The following CTCF variants were observed in gnomAD, a reference collection of about 807,000 sequenced individuals.
The protein encoded by CTCF is CCCTC-binding factor, also known as transcriptional repressor CTCF.
In CTCF, 7 loss-of-function variants were observed where a neutral mutation model predicts 72.3. The ratio of observed to expected loss-of-function variants is 0.10; its 90% CI spans 0.06 to 0.18. The LOEUF (loss-of-function observed/expected upper bound fraction) is 0.18. Among genes scored for constraint, CTCF ranks in the 10% least tolerant of loss-of-function variants. The pLI, the probability that CTCF is intolerant of heterozygous loss-of-function variation, is 1.00. For missense variants in CTCF, 516 were observed against 949.1 expected (o/e 0.54, Z 6.00); for synonymous variants, 374 against 315.8 (o/e 1.18, Z -1.95).
At position 67,563,046 on chromosome 16, in the gene CTCF, C is replaced by T. The variant is rs372366801; in HGVS notation, c.-127+322C>T. On this transcript the variant is annotated intron_variant, in intron 1 of 11. Coordinates refer to ENST00000264010, the MANE Select transcript of CTCF (RefSeq NM_006565.4). ...TTCCTTCCTTTGTCTGCCCTCGAGG[C>T]CGGTTCTTGGCCGGCCGATCGCCCG... 1.0e-3 allele frequency among the ~76,000 whole-genome samples: 158 copies of T among 151,668 alleles called. 1 individual carries two copies. In the East Asian group the frequency reaches 0.024, roughly 23 times the overall value.
intron 10 of CTCF, among the ~76,000 whole-genome samples, chr16:67,636,353 CAG>C (rs1198513133): frequency 2.1e-5 from 3 of 143,080 alleles, no homozygotes; most frequent in Admixed American, 7.0e-5. Context: ...GCCTGGGCGA[CAG>C]AGTGAGACTC....
chr16:67,613,143 C>G (rs1459303206), intron 4 of CTCF, among the ~76,000 whole-genome samples: 2 of 152,220 alleles, frequency 1.3e-5, no homozygotes, highest in Non-Finnish European at 2.9e-5. Context: ...TAGAGGGACT[C>G]TGTGCACTAA....
At chr16:67,608,140 T>C (rs564256737) in intron 2 of CTCF, among the ~76,000 whole-genome samples, 6 of 151,434 alleles carry the variant, frequency 4.0e-5, no homozygotes, top group Non-Finnish European at 8.8e-5. Context: ...CTGGCTAACA[T>C]GGTGAAACCC....
rs1567609067 is a variant in CTCF, at chr16:67,612,017, G to A, written c.848G>A (p.Arg283His). 1 of 1,614,106 alleles carries A rather than the reference G, an allele frequency of 6.2e-7. No homozygotes were observed. The highest frequency in any genetic ancestry group is 8.5e-7 in the Non-Finnish European group (1 of 1,179,998). Residue 283 changes from arginine (R) to histidine (H), a missense_variant, in exon 4 of 12, where the codon CGT becomes CAT. By Grantham distance (29) the Arg-to-His change is conservative (BLOSUM62 0). Around this residue, in one of 7 missense-constraint regions of CTCF, gnomAD observed 70 missense variants for 290.1 expected, o/e 0.24. Coordinates refer to ENST00000264010, the MANE Select transcript of CTCF (RefSeq NM_006565.4). The part of the protein sequence containing the change: ...YTCPRRSNLD[R>H]HMKSHTDERP... ...TGTCCACGGCGTTCAAATTTGGATCGTCACATGAAAAGCCACACTGATGAG... is the reference window on the plus strand; with the variant it reads ...TGTCCACGGCGTTCAAATTTGGATCATCACATGAAAAGCCACACTGATGAG...
chr16:67,626,604 C>T lies in CTCF; in HGVS notation c.1407C>T (p.Cys469=), dbSNP rs2142862488. The change falls in exon 8 of 12, where the codon TGC becomes TGT. Residue 469 remains cysteine, a synonymous_variant. Transcript: ENST00000264010. Reference sequence around the variant, plus strand: ...CCTATATTGAGCAAGGCAAGAAATGCCGTTACTGTGATGCTGTGTTTCATG... The same window carrying T: ...CCTATATTGAGCAAGGCAAGAAATGTCGTTACTGTGATGCTGTGTTTCATG... ...QHSYIEQGKK[C]RYCDAVFHER... The T allele has an allele frequency of 2.6e-6, 4 of 1,566,058 alleles. No individual in the cohort carries two copies. Among genetic ancestry groups the T allele is most frequent in the Non-Finnish European group, 3.5e-6 (4 of 1,154,976 alleles).
chr16:67,580,836 G>C (rs1228332377), intron 2 of CTCF, among the ~76,000 whole-genome samples: 1 of 147,128 alleles, frequency 6.8e-6, no homozygotes, highest in Non-Finnish European at 1.5e-5. Flanking sequence ...GGCTGGTCTA[G>C]AACTCCTGAC....
In CTCF at chr16:67,589,824, C is replaced by T. The variant is rs116388579; in HGVS notation, c.-10+18560C>T. Among the ~76,000 whole-genome samples, 327 of 152,284 alleles carry T rather than the reference C, an allele frequency of 2.1e-3. 3 individuals carry two copies. Among genetic ancestry groups the T allele is most frequent in the African/African-American group, 7.4e-3 (309 of 41,564 alleles). ...AAAAGAGCCTGGACGCGGTGGCTCA[C>T]ACCTGTAATACCGGCATTTGGGGAG... On this transcript the variant is annotated intron_variant, in intron 2 of 11. Coordinates refer to ENST00000264010, the MANE Select transcript of CTCF (RefSeq NM_006565.4).
chr16:67,611,719 G>C, intron 3 of CTCF, 106 bp downstream of exon 3: 2 of 1,145,508 alleles, frequency 1.7e-6, no homozygotes, highest in South Asian at 3.1e-5. Flanking sequence ...GTAAAAGGTC[G>C]TTATGTGGGT....
At chr16:67,604,965 T>A (rs1001603083) in intron 2 of CTCF, among the ~76,000 whole-genome samples, 30 of 67,722 alleles carry the variant, frequency 4.4e-4, no homozygotes, top group Admixed American at 2.1e-3. Context: ...ATAAATGGGA[T>A]TTTTTTTTTT....
At chr16:67,575,729 C>T (rs1056950283) in intron 2 of CTCF, among the ~76,000 whole-genome samples, 3 of 152,066 alleles carry the variant, frequency 2.0e-5, no homozygotes, top group Non-Finnish European at 4.4e-5. Context: ...AAGCGTGAGC[C>T]ACCGCGCCCA....
chr16:67,592,479 G>A (rs890973523), intron 2 of CTCF, among the ~76,000 whole-genome samples: 3 of 152,026 alleles, frequency 2.0e-5, no homozygotes, highest in African/African-American at 7.3e-5. Flanking sequence ...GCTGAGGTGG[G>A]AGGATCACCA....
intron 2 of CTCF, among the ~76,000 whole-genome samples, chr16:67,607,217 A>C (rs964503962): frequency 2.6e-5 from 4 of 152,054 alleles, no homozygotes; most frequent in African/African-American, 9.7e-5. Flanking sequence ...TCGGCCTCCC[A>C]AAATGCTGGG....
chr16:67,570,337 C>T (rs1012809843), intron 1 of CTCF, among the ~76,000 whole-genome samples: 2 of 152,122 alleles, frequency 1.3e-5, no homozygotes, highest in Admixed American at 1.3e-4. Context: ...GCCTCGGCCT[C>T]CCAAAGTGCT....
At chr16:67,618,780 A>G (rs1202612265) in intron 5 of CTCF, among the ~76,000 whole-genome samples, 1 of 152,256 alleles carries the variant, frequency 6.6e-6, no homozygotes, top group African/African-American at 2.4e-5. Flanking sequence ...ACTGAGGGAT[A>G]AACTGAACAA....
intron 2 of CTCF, among the ~76,000 whole-genome samples, chr16:67,574,967 ATTCTT>A (rs1384508263): frequency 6.6e-6 from 1 of 152,058 alleles, no homozygotes; most frequent in Non-Finnish European, 1.5e-5. Context: ...AAAAGCATCT[ATTCTT>A]AACTGTGTGT....
At chr16:67,563,027 CCTTT>C (rs1231600710) in intron 1 of CTCF, among the ~76,000 whole-genome samples, 1 of 150,520 alleles carries the variant, frequency 6.6e-6, no homozygotes, top group Non-Finnish European at 1.5e-5. Flanking sequence ...CATTTTCCTT[CCTTT>C]GTCTGCCCTC....
At chr16:67,577,477 G>T (rs1421998582) in intron 2 of CTCF, among the ~76,000 whole-genome samples, 1 of 147,966 alleles carries the variant, frequency 6.8e-6, no homozygotes, top group Non-Finnish European at 1.5e-5. Flanking sequence ...TCGCTCTGTT[G>T]CCCAGGCTGG....
At chr16:67,596,199 G>A (rs1418906923) in intron 2 of CTCF, among the ~76,000 whole-genome samples, 1 of 152,028 alleles carries the variant, frequency 6.6e-6, no homozygotes, top group Non-Finnish European at 1.5e-5. Context: ...TGATCTGCCC[G>A]CCTTGGCCTC....
chr16:67,630,755 C>CA (rs981378742), intron 10 of CTCF, among the ~76,000 whole-genome samples: 8 of 148,720 alleles, frequency 5.4e-5, no homozygotes, highest in Non-Finnish European at 7.5e-5. Context: ...ACCTTGTCTC[C>CA]AAAAAAAACA....
Sources: gnomAD v4.1 joint callset for allele counts (sites outside exome capture counted in the v4.1 genomes callset) on GRCh38, gnomAD v4.1.1 for gene constraint, gnomAD v4.1.1 regional missense constraint, MANE v1.5 for transcripts, NCBI Gene and HGNC (gene_info 2026-07-23, HGNC 2026-07-21) for gene names.